The following IL7 variants were observed in gnomAD, a reference collection of about 807,000 sequenced individuals.
IL7 encodes the protein interleukin 7, also known as interleukin-7.
IL7 carries 3 observed loss-of-function variants against 21.6 expected under a neutral mutation model. The observed-to-expected ratio is 0.14, with a 90% CI of 0.06 to 0.36. IL7 has a LOEUF of 0.36. IL7 is among the 10% of genes least tolerant of loss of function. The pLI, the probability that IL7 is intolerant of heterozygous loss-of-function variation, is 1.00. For missense variants in IL7, 175 were observed against 200.2 expected, an observed-to-expected ratio of 0.87 and a Z score of 0.76; for synonymous variants, 62 against 68.1, an observed-to-expected ratio of 0.91 and a Z score of 0.44.
downstream of IL7, among the ~76,000 whole-genome samples, chr8:78,729,161 A>G (rs1235743246): frequency 2.0e-5 from 3 of 151,962 alleles, no homozygotes; most frequent in African/African-American, 4.8e-5. Context: ...TCTCCTCTTT[A>G]TAGGAGCTTT....
downstream of IL7, among the ~76,000 whole-genome samples, chr8:78,729,242 T>C (rs1019583006): frequency 1.3e-5 from 2 of 152,024 alleles, no homozygotes; most frequent in African/African-American, 4.8e-5. Context: ...TGGAACTTTT[T>C]TCTGACTGTT....
chr8:78,801,505 A>T (rs1041066723), intron 1 of IL7, among the ~76,000 whole-genome samples: 1 of 152,166 alleles, frequency 6.6e-6, no homozygotes, highest in Non-Finnish European at 1.5e-5. Context: ...GCCATGAGCC[A>T]TGATCTTACC....
chr8:78,735,335 C>T (rs867839446), intron 5 of IL7, among the ~76,000 whole-genome samples: 5 of 108,026 alleles, frequency 4.6e-5, no homozygotes, highest in African/African-American at 3.7e-5. Flanking sequence ...TGTTTTGAGA[C>T]GGAGTCCCAC....
chr8:78,703,174 G>A (rs1357663011), intron 3 of IL7, among the ~76,000 whole-genome samples: 3 of 152,142 alleles, frequency 2.0e-5, no homozygotes, highest in Non-Finnish European at 4.4e-5. Flanking sequence ...TAGGATTACT[G>A]GCATGAGCCA....
intron 3 of IL7, among the ~76,000 whole-genome samples, chr8:78,704,540 C>T (rs1046993448): frequency 6.6e-6 from 1 of 152,040 alleles, no homozygotes; most frequent in African/African-American, 2.4e-5. Flanking sequence ...TTTCTTCTTT[C>T]ATTTCAGTCT....
chr8:78,793,684 G>T (rs908268017), intron 2 of IL7, among the ~76,000 whole-genome samples: 58 of 151,980 alleles, frequency 3.8e-4, no homozygotes, highest in African/African-American at 1.4e-3. Context: ...TTAAAATGAG[G>T]CAACAATGAA....
At chr8:78,754,570 C>T (rs1351393071) in intron 2 of IL7, among the ~76,000 whole-genome samples, 1 of 152,078 alleles carries the variant, frequency 6.6e-6, no homozygotes, top group East Asian at 1.9e-4. Flanking sequence ...AAAAAAGAGC[C>T]CGTATAGCCA....
chr8:78,786,061 C>T (rs548423647), intron 2 of IL7, among the ~76,000 whole-genome samples: 2 of 152,260 alleles, frequency 1.3e-5, no homozygotes, highest in South Asian at 4.1e-4. Flanking sequence ...TATAGAGATT[C>T]CTCATGTACA....
chr8:78,716,106 T>G (rs1811092785), downstream of IL7, among the ~76,000 whole-genome samples: 2 of 148,262 alleles, frequency 1.3e-5, no homozygotes, highest in African/African-American at 2.5e-5. Flanking sequence ...TTTATTACTG[T>G]TTTTTTTTGT....
Position 78,747,879 on chromosome 8 carries a change from A to C in IL7, c.148-7797T>G, listed in dbSNP as rs904633020. Among the ~76,000 whole-genome samples, 13 of 152,240 alleles carry C rather than the reference A, an allele frequency of 8.5e-5. No individual in the cohort carries two copies. In the South Asian group the frequency reaches 2.5e-3, roughly 29 times the overall value. On this transcript the variant is annotated intron_variant, in intron 2 of 5. Coordinates refer to ENST00000263851, the MANE Select transcript of IL7 (RefSeq NM_000880.4). ...ATATATGCTGCCATGAAGCCTATAC[A>C]AGAAGATTTTACTTAAAAACCTCAA...
At chr8:78,697,023 G>A (rs547179536) in intron 3 of IL7, among the ~76,000 whole-genome samples, 3 of 152,132 alleles carry the variant, frequency 2.0e-5, no homozygotes, top group African/African-American at 7.2e-5. Flanking sequence ...TAGCAGTGGA[G>A]CATCTGAGAG....
chr8:78,741,475 T>C (rs532237170), intron 2 of IL7, among the ~76,000 whole-genome samples: 9 of 152,322 alleles, frequency 5.9e-5, no homozygotes, highest in Middle Eastern at 3.4e-3. Flanking sequence ...GTGAAACGTG[T>C]AGCTACTCTA....
At chr8:78,803,977 C>G (rs537619937) in intron 1 of IL7, among the ~76,000 whole-genome samples, 15 of 152,148 alleles carry the variant, frequency 9.9e-5, no homozygotes, top group African/African-American at 2.9e-4. Context: ...CACCCTCCCC[C>G]CAGCTGTCTT....
intron 3 of IL7, among the ~76,000 whole-genome samples, chr8:78,707,970 A>G (rs977594025): frequency 1.3e-5 from 2 of 152,128 alleles, no homozygotes; most frequent in African/African-American, 2.4e-5. Context: ...AAAATCTAGC[A>G]GAATGCCTAG....
intron 4 of IL7, chr8:78,678,706 T>A: frequency 6.7e-7 from 1 of 1,503,758 alleles, no homozygotes; most frequent in Non-Finnish European, 9.0e-7. Context: ...TTGAACAGTA[T>A]GAACTTTGGT....
intron 3 of IL7, among the ~76,000 whole-genome samples, chr8:78,695,503 C>A (rs1220198880): frequency 6.6e-6 from 1 of 152,126 alleles, no homozygotes; most frequent in Non-Finnish European, 1.5e-5. Context: ...TTTGATTGTA[C>A]AGTTTGAGTG....
intron 3 of IL7, among the ~76,000 whole-genome samples, chr8:78,705,536 C>T (rs117492510): frequency 6.6e-6 from 1 of 152,236 alleles, no homozygotes; most frequent in East Asian, 1.9e-4. Context: ...TTGGGAGGCT[C>T]CACCTGGTGA....
chr8:78,804,875 G>A (rs767264278), intron 1 of IL7, 38 bp downstream of exon 1: 1 of 1,611,954 alleles, frequency 6.2e-7, no homozygotes, highest in Admixed American at 1.7e-5. Flanking sequence ...CGGCGCGTCG[G>A]GCGCGCGAAC....
downstream of IL7, among the ~76,000 whole-genome samples, chr8:78,675,434 A>C (rs1371929720): frequency 1.3e-5 from 2 of 152,014 alleles, no homozygotes; most frequent in African/African-American, 2.4e-5. Flanking sequence ...GAAATTAATA[A>C]GATAAATTTT....
Sources: gnomAD v4.1 joint callset for allele counts (sites outside exome capture counted in the v4.1 genomes callset) on GRCh38, gnomAD v4.1.1 for gene constraint, MANE v1.5 for transcripts, NCBI Gene and HGNC (gene_info 2026-07-23, HGNC 2026-07-21) for gene names.